The following ALOX5 variants were observed in gnomAD, a reference collection of about 807,000 sequenced individuals.
ALOX5 encodes the protein polyunsaturated fatty acid 5-lipoxygenase.
Under a neutral mutation model 87.9 loss-of-function variants are expected in ALOX5, and 64 were observed. The ratio of observed to expected loss-of-function variants is 0.73; its 90% CI spans 0.60 to 0.90. ALOX5 has a LOEUF of 0.90. Ranked by LOEUF, ALOX5 falls within the 40% of genes least tolerant of loss-of-function variation. ALOX5 has a pLI of 0.00. For missense variants in ALOX5, 822 were observed against 907.5 expected (o/e 0.91, Z 1.21); for synonymous variants, 388 against 355.1 (o/e 1.09, Z -1.04).
At chr10:45,391,068 C>G (rs906889660) in intron 2 of ALOX5, among the ~76,000 whole-genome samples, 1 of 77,884 alleles carries the variant, frequency 1.3e-5, no homozygotes, top group Non-Finnish European at 2.3e-5. Context: ...CCCTCTCCCT[C>G]TCCCCACGGT....
chr10:45,421,143 A>C (rs1841492721), intron 4 of ALOX5, among the ~76,000 whole-genome samples: 1 of 152,240 alleles, frequency 6.6e-6, no homozygotes, highest in Non-Finnish European at 1.5e-5. Context: ...GGGTCTTCGA[A>C]GCCCTGAATA....
At chr10:45,392,997 G>A (rs1220494389) in intron 2 of ALOX5, among the ~76,000 whole-genome samples, 4 of 152,194 alleles carry the variant, frequency 2.6e-5, no homozygotes, top group Admixed American at 6.5e-5. Flanking sequence ...GGACCAGATG[G>A]ATTCACAGCC....
rs1193606393 is a variant in ALOX5, at chr10:45,374,384, GCA to G, written c.107_108del (p.His36ProfsTer43). 1.4e-5 allele frequency: 22 copies of G among 1,562,794 alleles called. No homozygotes were observed. Among genetic ancestry groups the G allele is most frequent in the Non-Finnish European group, 1.6e-5 (19 of 1,158,508 alleles). ...TGGGCTCGGCGGGCTGCAGCGAGAA[GCA>G]CCTGCTGGACAAGCCCTTCTACAAC... ...LVGSAGCSEK[H>X]LLDKPFYNDF... On this transcript the variant is annotated frameshift_variant, in exon 1 of 14. Transcript: ENST00000374391. LOFTEE classifies it high-confidence loss of function.
chr10:45,382,454 A>G (rs747396089), intron 1 of ALOX5, 29 bp from the exon 2 acceptor site: 3 of 1,613,658 alleles, frequency 1.9e-6, no homozygotes, highest in East Asian at 2.2e-5. Flanking sequence ...GAGACCACGC[A>G]TGGCCTGATT....
intron 4 of ALOX5, among the ~76,000 whole-genome samples, chr10:45,418,053 ATCC>A (rs1185286189): frequency 6.6e-6 from 1 of 152,216 alleles, no homozygotes; most frequent in Admixed American, 6.5e-5. Context: ...GAGCGAAGGA[ATCC>A]TGAGAGGGGC....
chr10:45,441,425 G>A lies in ALOX5; in HGVS notation c.1267G>A (p.Asp423Asn). The part of the protein sequence containing the change: ...EQLICECGLF[D>N]KANATGGGGH... ...GCTCATCTGCGAGTGTGGCCTCTTTGACAAGGTGGGTGCCCTCCTACCCTA... is the reference window on the plus strand; with the variant it reads ...GCTCATCTGCGAGTGTGGCCTCTTTAACAAGGTGGGTGCCCTCCTACCCTA... Residue 423 changes from aspartate to asparagine, a missense_variant, in exon 9 of 14, where the codon GAC becomes AAC. Asp to Asn is a conservative substitution (Grantham distance 23, BLOSUM62 1). Transcript: ENST00000374391. 6 of 1,613,220 alleles carry A rather than the reference G, an allele frequency of 3.7e-6. No homozygotes were observed. Among genetic ancestry groups the A allele is most frequent in the Non-Finnish European group, 4.2e-6 (5 of 1,179,344 alleles).
At chr10:45,388,519 A>G (rs1280617632) in intron 2 of ALOX5, among the ~76,000 whole-genome samples, 1 of 152,180 alleles carries the variant, frequency 6.6e-6, no homozygotes, top group Non-Finnish European at 1.5e-5. Flanking sequence ...AGGCAGCAAC[A>G]TTTGCTGTTC....
intron 1 of ALOX5, among the ~76,000 whole-genome samples, chr10:45,379,106 C>T (rs545256896): frequency 2.0e-5 from 3 of 152,122 alleles, no homozygotes; most frequent in Non-Finnish European, 4.4e-5. Context: ...GGTCGTCACC[C>T]CCAGGTAGAC....
intron 4 of ALOX5, among the ~76,000 whole-genome samples, chr10:45,422,546 G>A (rs1201989198): frequency 6.6e-6 from 1 of 152,228 alleles, no homozygotes; most frequent in Non-Finnish European, 1.5e-5. Context: ...TGCTGCATGA[G>A]CCCCTCTGGA....
chr10:45,377,466 C>T (rs1342248542), intron 1 of ALOX5, among the ~76,000 whole-genome samples: 1 of 152,024 alleles, frequency 6.6e-6, no homozygotes, highest in Non-Finnish European at 1.5e-5. Context: ...GTCTTCCAGC[C>T]ACCTCTCAGA....
At chr10:45,383,812 C>A (rs1839924285) in intron 2 of ALOX5, among the ~76,000 whole-genome samples, 1 of 152,122 alleles carries the variant, frequency 6.6e-6, no homozygotes, top group African/African-American at 2.4e-5. Flanking sequence ...GTCCCCCTAC[C>A]TAATGACAGG....
At chr10:45,431,464 G>A (rs1298662109) in intron 7 of ALOX5, among the ~76,000 whole-genome samples, 5 of 151,536 alleles carry the variant, frequency 3.3e-5, no homozygotes, top group African/African-American at 1.2e-4. Context: ...AAAGTGTTTA[G>A]ATAAATATAT....
intron 3 of ALOX5, among the ~76,000 whole-genome samples, chr10:45,403,541 C>G (rs1256745627): frequency 6.6e-6 from 1 of 152,034 alleles, no homozygotes; most frequent in South Asian, 2.1e-4. Context: ...GGATGGTGTT[C>G]GTACAGGTGT....
chr10:45,437,342 C>T (rs1267474751), intron 7 of ALOX5, among the ~76,000 whole-genome samples: 3 of 152,210 alleles, frequency 2.0e-5, no homozygotes, highest in Non-Finnish European at 4.4e-5. Context: ...GATAGTGAGA[C>T]TCCGTCTCAA....
At chr10:45,409,096 A>G (rs1840975368) in intron 3 of ALOX5, among the ~76,000 whole-genome samples, 1 of 152,256 alleles carries the variant, frequency 6.6e-6, no homozygotes, top group Admixed American at 6.5e-5. Flanking sequence ...CACAGCGGCC[A>G]GACTTCAGCC....
intron 2 of ALOX5, among the ~76,000 whole-genome samples, chr10:45,391,474 C>T (rs532738080): frequency 7.4e-4 from 112 of 152,294 alleles, no homozygotes; most frequent in Middle Eastern, 3.4e-3. Context: ...CTGCCTTGGC[C>T]TCCCAAAGTG....
chr10:45,396,273 GAT>G (rs1439273855), intron 3 of ALOX5, among the ~76,000 whole-genome samples: 1 of 152,170 alleles, frequency 6.6e-6, no homozygotes, highest in East Asian at 1.9e-4. Context: ...TTATAAAAGT[GAT>G]ACATGATCAG....
In ALOX5 at chr10:45,445,715, G is replaced by A; in HGVS notation, c.*28G>A. 6.3e-7 allele frequency: 1 copy of A among 1,592,556 alleles called. No homozygotes were observed. The highest frequency in any genetic ancestry group is 8.6e-7 in the Non-Finnish European group (1 of 1,163,898). On this transcript the variant is annotated 3_prime_UTR_variant, in exon 14 of 14. Transcript: ENST00000374391. ...ACACTGCCAGTCTCACTGTGGGAAG[G>A]CCAGCTGCCCCAGCCAGATGGACTC...
chr10:45,393,622 A>G (rs1182251816), intron 2 of ALOX5, among the ~76,000 whole-genome samples: 1 of 152,156 alleles, frequency 6.6e-6, no homozygotes. Context: ...GGCAGGAGAA[A>G]GAAATAAAGG....
Sources: gnomAD v4.1 joint callset for allele counts (sites outside exome capture counted in the v4.1 genomes callset) on GRCh38, gnomAD v4.1.1 for gene constraint, MANE v1.5 for transcripts, NCBI Gene and HGNC (gene_info 2026-07-23, HGNC 2026-07-21) for gene names.